The following SYN3 variants were observed in gnomAD, a reference collection of about 807,000 sequenced individuals.
SYN3 encodes the protein synapsin-3.
In SYN3, 35 loss-of-function variants were observed where a neutral mutation model predicts 65.8. The observed-to-expected ratio is 0.53, with a 90% CI of 0.41 to 0.70. SYN3 has a LOEUF of 0.70. SYN3 is among the 30% of genes least tolerant of loss of function. The probability of loss-of-function intolerance (pLI) is 0.00; values close to 1 mark genes in which losing one functional copy is unlikely to be tolerated. For synonymous variants in SYN3, 270 were observed against 292.9 expected (o/e 0.92, Z 0.80); for missense variants, 680 against 749.0 (o/e 0.91, Z 1.08).
chr22:33,049,045 T>G (rs2054117073), intron 1 of SYN3, among the ~76,000 whole-genome samples: 1 of 152,226 alleles, frequency 6.6e-6, no homozygotes, highest in South Asian at 2.1e-4. Flanking sequence ...ATTCAGGGTT[T>G]CATACACAAA....
At chr22:33,056,609 T>C (rs1343886438) in intron 1 of SYN3, among the ~76,000 whole-genome samples, 1 of 152,176 alleles carries the variant, frequency 6.6e-6, no homozygotes, top group Non-Finnish European at 1.5e-5. Context: ...TAGATCAACA[T>C]CTCCCTCTGC....
At chr22:32,763,986 G>A (rs1274469522) in intron 6 of SYN3, among the ~76,000 whole-genome samples, 1 of 150,128 alleles carries the variant, frequency 6.7e-6, no homozygotes, top group Non-Finnish European at 1.5e-5. Flanking sequence ...CGCTCAGGCT[G>A]GAGTGCAATG....
chr22:32,733,865 G>T (rs1383141102), intron 6 of SYN3, among the ~76,000 whole-genome samples: 3 of 152,100 alleles, frequency 2.0e-5, no homozygotes, highest in Non-Finnish European at 4.4e-5. Flanking sequence ...GACAAGGAGG[G>T]GCATTATAGG....
At chr22:32,600,175 C>A (rs1423189432) in intron 6 of SYN3, among the ~76,000 whole-genome samples, 1 of 152,164 alleles carries the variant, frequency 6.6e-6, no homozygotes, top group Non-Finnish European at 1.5e-5. Context: ...AGCTTGTTTT[C>A]TTGCAACTAG....
chr22:32,795,164 G>A (rs1236314566), intron 6 of SYN3, among the ~76,000 whole-genome samples: 1 of 152,188 alleles, frequency 6.6e-6, no homozygotes, highest in Non-Finnish European at 1.5e-5. Flanking sequence ...CGGAGCACAA[G>A]TGAATCATTT....
intron 10 of SYN3, among the ~76,000 whole-genome samples, chr22:32,532,740 G>A (rs148070563): frequency 7.9e-5 from 12 of 152,290 alleles, no homozygotes; most frequent in Admixed American, 1.3e-4. Context: ...CGGGAGGACC[G>A]GCTGGCTCCT....
At chr22:32,618,523 G>C (rs547516822) in intron 6 of SYN3, among the ~76,000 whole-genome samples, 2 of 152,254 alleles carry the variant, frequency 1.3e-5, no homozygotes, top group East Asian at 3.9e-4. Context: ...AAAGCTTCTA[G>C]ATGCTTTTAA....
At chr22:32,625,353 G>A (rs573557315) in intron 6 of SYN3, among the ~76,000 whole-genome samples, 3 of 152,172 alleles carry the variant, frequency 2.0e-5, no homozygotes, top group Admixed American at 1.3e-4. Flanking sequence ...CATGTGCCAC[G>A]TTTCTGCAGG....
intron 6 of SYN3, among the ~76,000 whole-genome samples, chr22:32,758,749 T>C (rs893305180): frequency 3.5e-5 from 5 of 141,416 alleles, no homozygotes; most frequent in Admixed American, 2.9e-4. Context: ...ACACACTGCC[T>C]AAATACTTTG....
intron 6 of SYN3, among the ~76,000 whole-genome samples, chr22:32,762,721 A>T (rs1344298049): frequency 6.6e-6 from 1 of 152,246 alleles, no homozygotes; most frequent in Non-Finnish European, 1.5e-5. Context: ...CCCTTGCATG[A>T]AAGTCACATG....
At chr22:32,954,349 G>C (rs2051381966) in intron 3 of SYN3, among the ~76,000 whole-genome samples, 1 of 152,200 alleles carries the variant, frequency 6.6e-6, no homozygotes, top group Admixed American at 6.5e-5. Flanking sequence ...AGAGCTTTTA[G>C]AAGGTCGACA....
At chr22:32,992,589 G>A (rs1013650322) in intron 2 of SYN3, among the ~76,000 whole-genome samples, 1 of 152,154 alleles carries the variant, frequency 6.6e-6, no homozygotes, top group African/African-American at 2.4e-5. Context: ...AAGGCAGTTG[G>A]ATCACCTGAG....
At chr22:32,694,112 T>G (rs1429539450) in intron 6 of SYN3, among the ~76,000 whole-genome samples, 1 of 152,150 alleles carries the variant, frequency 6.6e-6, no homozygotes, top group African/African-American at 2.4e-5. Context: ...TAATGTTTTC[T>G]CTCTTTCTAA....
chr22:32,960,098 C>T (rs528083842), intron 3 of SYN3, among the ~76,000 whole-genome samples: 4 of 152,196 alleles, frequency 2.6e-5, no homozygotes, highest in African/African-American at 7.2e-5. Flanking sequence ...ATAACTATGT[C>T]TTTCATTGTC....
At chr22:32,656,949 G>A (rs2060149259) in intron 6 of SYN3, among the ~76,000 whole-genome samples, 2 of 152,064 alleles carry the variant, frequency 1.3e-5, no homozygotes, top group African/African-American at 4.8e-5. Context: ...TTAGCTAAGG[G>A]CACCTTGTTG....
chr22:32,688,946 G>C (rs2060627807), intron 6 of SYN3, among the ~76,000 whole-genome samples: 2 of 152,176 alleles, frequency 1.3e-5, no homozygotes, highest in African/African-American at 2.4e-5. Flanking sequence ...GTTAGCACTG[G>C]GGCCTTGGGC....
chr22:32,686,997 T>A (rs374961107), intron 6 of SYN3, among the ~76,000 whole-genome samples: 105 of 152,146 alleles, frequency 6.9e-4, no homozygotes, highest in African/African-American at 2.2e-3. Flanking sequence ...TTGTTGCTTC[T>A]CAGACCAGAA....
intron 6 of SYN3, among the ~76,000 whole-genome samples, chr22:32,608,436 A>G (rs2059398572): frequency 6.6e-6 from 1 of 152,244 alleles, no homozygotes; most frequent in Admixed American, 6.5e-5. Context: ...TAGTTGAATA[A>G]CAATTACTTC....
intron 4 of SYN3, among the ~76,000 whole-genome samples, chr22:32,894,287 C>T (rs755949174): frequency 4.6e-5 from 7 of 152,206 alleles, no homozygotes; most frequent in Non-Finnish European, 8.8e-5. Context: ...AGAAAACAGT[C>T]AAGGGTCCTA....
Sources: allele counts gnomAD v4.1 joint callset (sites outside exome capture counted in the v4.1 genomes callset), GRCh38; gene constraint gnomAD v4.1.1; transcripts MANE v1.5; gene names NCBI Gene and HGNC (gene_info 2026-07-23, HGNC 2026-07-21).